Variants in ZNF407 observed in about 807,000 individuals in gnomAD.
ZNF407 encodes the protein zinc finger protein 407.
In ZNF407, 17 loss-of-function variants were observed where a neutral mutation model predicts 131.2. The ratio of observed to expected loss-of-function variants is 0.13; its 90% CI spans 0.09 to 0.19. The LOEUF is 0.19. Among genes scored for constraint, ZNF407 ranks in the 10% least tolerant of loss-of-function variants. The pLI, the probability that ZNF407 is intolerant of heterozygous loss-of-function variation, is 1.00. For missense variants in ZNF407, 2,681 were observed against 2,830.6 expected (o/e 0.95, Z 1.20); for synonymous variants, 1,156 against 1,062.0 (o/e 1.09, Z -1.72).
chr18:74,810,334 G>A (rs551038005), intron 4 of ZNF407, among the ~76,000 whole-genome samples: 8 of 146,032 alleles, frequency 5.5e-5, no homozygotes, highest in South Asian at 2.3e-4. Context: ...AGATTTAAGC[G>A]TCAAAGGTGA....
chr18:74,628,771 G>T (rs917811963), intron 1 of ZNF407, among the ~76,000 whole-genome samples: 17 of 151,754 alleles, frequency 1.1e-4, no homozygotes, highest in Admixed American at 2.6e-4. Flanking sequence ...TTAGAGCTGG[G>T]GTCTTGCTGT....
chr18:74,668,698 C>T (rs1986025114), intron 3 of ZNF407, among the ~76,000 whole-genome samples: 2 of 152,146 alleles, frequency 1.3e-5, no homozygotes, highest in Non-Finnish European at 2.9e-5. Flanking sequence ...TTGAAGTAGA[C>T]AGTGTCATGC....
intron 1 of ZNF407, among the ~76,000 whole-genome samples, chr18:74,615,495 C>G (rs1054211141): frequency 1.3e-5 from 2 of 152,198 alleles, no homozygotes; most frequent in Non-Finnish European, 2.9e-5. Flanking sequence ...CAGAGTGAGA[C>G]TCCGTCTTAA....
At chr18:75,016,511 C>CTGCAT (rs2122193309) in intron 8 of ZNF407, among the ~76,000 whole-genome samples, 1 of 151,922 alleles carries the variant, frequency 6.6e-6, no homozygotes, top group Non-Finnish European at 1.5e-5. Context: ...CCATATTGAA[C>CTGCAT]TGCACTGCAC....
At chr18:74,624,754 C>T (rs891139454) in intron 1 of ZNF407, among the ~76,000 whole-genome samples, 22 of 152,204 alleles carry the variant, frequency 1.4e-4, no homozygotes, top group Admixed American at 5.9e-4. Flanking sequence ...AGCTTTCTTA[C>T]GTGCTCGTGG....
chr18:74,846,944 A>C (rs1168904515), intron 4 of ZNF407, among the ~76,000 whole-genome samples: 2 of 151,946 alleles, frequency 1.3e-5, no homozygotes, highest in Admixed American at 6.6e-5. Context: ...CAGTGAGCCA[A>C]GATTCTGCCA....
At chr18:74,649,490 AC>A (rs1433351029) in intron 3 of ZNF407, among the ~76,000 whole-genome samples, 1 of 152,234 alleles carries the variant, frequency 6.6e-6, no homozygotes, top group Non-Finnish European at 1.5e-5. Context: ...ATGCTTCACA[AC>A]ATAAATTTGT....
chr18:75,039,866 A>AT (rs368361927), intron 8 of ZNF407, among the ~76,000 whole-genome samples: 6,549 of 147,284 alleles, frequency 0.044, 203 homozygotes, highest in Non-Finnish European at 0.061. Context: ...TCCCTAGAGA[A>AT]TTTTTTTTTT....
chr18:74,673,642 A>AT (rs1986241638), intron 3 of ZNF407, among the ~76,000 whole-genome samples: 4 of 152,204 alleles, frequency 2.6e-5, no homozygotes, highest in African/African-American at 9.7e-5. Context: ...TGCTTTTCAC[A>AT]TTTAGATCAC....
intron 4 of ZNF407, among the ~76,000 whole-genome samples, chr18:74,857,586 T>C (rs752625139): frequency 1.4e-4 from 21 of 152,178 alleles, no homozygotes; most frequent in Non-Finnish European, 3.1e-4. Flanking sequence ...ATCAGATCAT[T>C]GTCAGTAATT....
intron 4 of ZNF407, among the ~76,000 whole-genome samples, chr18:74,820,983 A>G (rs1241342393): frequency 6.6e-6 from 1 of 152,098 alleles, no homozygotes; most frequent in Non-Finnish European, 1.5e-5. Context: ...GCAGAAGGCT[A>G]AGAATGCTTA....
intron 4 of ZNF407, among the ~76,000 whole-genome samples, chr18:74,786,994 A>G (rs1969731217): frequency 6.6e-6 from 1 of 151,326 alleles, no homozygotes; most frequent in African/African-American, 2.4e-5. Flanking sequence ...TTTAGTAGAG[A>G]CGGGGTTTCA....
chr18:74,777,602 A>G (rs1353855746), intron 3 of ZNF407, among the ~76,000 whole-genome samples: 1 of 152,242 alleles, frequency 6.6e-6, no homozygotes, highest in Non-Finnish European at 1.5e-5. Flanking sequence ...TATCCAATCC[A>G]TATAGAAATT....
chr18:74,925,061 G>C (rs1425054518), intron 8 of ZNF407, among the ~76,000 whole-genome samples: 1 of 152,086 alleles, frequency 6.6e-6, no homozygotes, highest in Non-Finnish European at 1.5e-5. Context: ...ATTACAAGGT[G>C]TTCTCTTTTC....
At chr18:75,002,619 G>A (rs900195094) in intron 8 of ZNF407, among the ~76,000 whole-genome samples, 26 of 152,000 alleles carry the variant, frequency 1.7e-4, no homozygotes, top group Non-Finnish European at 2.9e-4. Context: ...TGGCTAACAC[G>A]GTGAAACCCC....
chr18:74,923,057 C>T (rs1014265448), intron 8 of ZNF407, among the ~76,000 whole-genome samples: 22 of 152,132 alleles, frequency 1.4e-4, no homozygotes, highest in Non-Finnish European at 2.4e-4. Flanking sequence ...GTTTGTTTTT[C>T]CCTCTCTAGC....
At chr18:74,643,378 A>G (rs1984812552) in intron 3 of ZNF407, among the ~76,000 whole-genome samples, 1 of 152,096 alleles carries the variant, frequency 6.6e-6, no homozygotes, top group Non-Finnish European at 1.5e-5. Context: ...GCGATCTTTC[A>G]GGAACATTAA....
intron 3 of ZNF407, among the ~76,000 whole-genome samples, chr18:74,654,279 A>G (rs1360193655): frequency 1.3e-5 from 2 of 151,814 alleles, no homozygotes; most frequent in African/African-American, 4.8e-5. Context: ...CTCTAATCTG[A>G]TTAAGGCAGT....
intron 3 of ZNF407, among the ~76,000 whole-genome samples, chr18:74,676,518 G>C (rs1002207010): frequency 2.7e-5 from 4 of 149,734 alleles, no homozygotes. Flanking sequence ...CTCACTGCAA[G>C]CTCCGCCTCC....
Sources: allele counts gnomAD v4.1 joint callset (sites outside exome capture counted in the v4.1 genomes callset), GRCh38; gene constraint gnomAD v4.1.1; transcripts MANE v1.5; gene names NCBI Gene and HGNC (gene_info 2026-07-23, HGNC 2026-07-21).